STX8: variants seen among roughly 807,000 people sequenced by gnomAD.
STX8 encodes the protein syntaxin-8.
In STX8, 23 loss-of-function variants were observed where a neutral mutation model predicts 37.5. That is an observed-to-expected ratio of 0.61 (90% CI 0.44 to 0.87). STX8 has a LOEUF of 0.87. Among genes scored for constraint, STX8 ranks in the 40% least tolerant of loss-of-function variants. The pLI, the probability that STX8 is intolerant of heterozygous loss-of-function variation, is 0.00. For missense variants in STX8, 313 were observed against 284.7 expected, an observed-to-expected ratio of 1.10 and a Z score of -0.71; for synonymous variants, 115 against 99.1, an observed-to-expected ratio of 1.16 and a Z score of -0.95.
intron 7 of STX8, among the ~76,000 whole-genome samples, chr17:9,263,991 C>G (rs1310695023): frequency 6.6e-6 from 1 of 152,200 alleles, no homozygotes; most frequent in Non-Finnish European, 1.5e-5. Context: ...ATAAAGATTA[C>G]ACACCCTTCC....
At chr17:9,558,151 T>C (rs1415370445) in intron 2 of STX8, among the ~76,000 whole-genome samples, 1 of 152,142 alleles carries the variant, frequency 6.6e-6, no homozygotes, top group Non-Finnish European at 1.5e-5. Flanking sequence ...ACCTGTTACA[T>C]TAAAGGATGG....
chr17:9,307,500 A>T (rs186992456), intron 7 of STX8, among the ~76,000 whole-genome samples: 1 of 152,304 alleles, frequency 6.6e-6, no homozygotes, highest in Non-Finnish European at 1.5e-5. Context: ...CTCTTCTTGC[A>T]TCAGCAGTGG....
At chr17:9,268,527 C>A (rs1450979557) in intron 7 of STX8, among the ~76,000 whole-genome samples, 1 of 152,266 alleles carries the variant, frequency 6.6e-6, no homozygotes, top group South Asian at 2.1e-4. Flanking sequence ...GCAGTGATGT[C>A]CCCCCGATTC....
chr17:9,441,148 G>A (rs554555614), intron 6 of STX8, among the ~76,000 whole-genome samples: 4 of 152,214 alleles, frequency 2.6e-5, no homozygotes, highest in South Asian at 2.1e-4. Context: ...ATGCTAAGAT[G>A]AATACAACAT....
intron 3 of STX8, among the ~76,000 whole-genome samples, chr17:9,547,830 C>G (rs1906610048): frequency 7.1e-6 from 1 of 140,822 alleles, no homozygotes; most frequent in South Asian, 2.3e-4. Context: ...CTTGCTCTAT[C>G]ATCCCAGGCT....
intron 6 of STX8, among the ~76,000 whole-genome samples, chr17:9,448,174 CAA>C (rs71930141): frequency 2.1e-5 from 3 of 140,296 alleles, no homozygotes; most frequent in Admixed American, 7.2e-5. Flanking sequence ...GACTCCATCT[CAA>C]AAAAAAAAAA....
rs7216883 is a variant in STX8, at chr17:9,347,759, G to T, written c.643+30793C>A. Among the ~76,000 whole-genome samples the T allele has an allele frequency of 9.4e-3, 1,437 of 152,180 alleles. 21 individuals carry two copies. Among genetic ancestry groups the T allele is most frequent in the African/African-American group, 0.032 (1,342 of 41,518 alleles). The stretch of plus-strand genomic sequence containing the variant: ...TCTAGAACTTTTCATCAGCCCAAAA[G>T]GAAACCTCATACCCATTAAGCAGTC... On this transcript the variant is annotated intron_variant, in intron 7 of 7. Coordinates refer to ENST00000306357, the MANE Select transcript of STX8 (RefSeq NM_004853.3).
intron 6 of STX8, among the ~76,000 whole-genome samples, chr17:9,459,950 C>A (rs1905303988): frequency 6.6e-6 from 1 of 152,234 alleles, no homozygotes; most frequent in African/African-American, 2.4e-5. Flanking sequence ...GAACTCGCTA[C>A]TGGCAGAGCC....
intron 7 of STX8, among the ~76,000 whole-genome samples, chr17:9,328,502 A>G (rs990040102): frequency 6.6e-6 from 1 of 152,174 alleles, no homozygotes; most frequent in Non-Finnish European, 1.5e-5. Context: ...TCCTTTATGA[A>G]TAATTCAGGA....
chr17:9,362,407 A>G (rs1043937360), intron 7 of STX8, among the ~76,000 whole-genome samples: 1 of 152,196 alleles, frequency 6.6e-6, no homozygotes, highest in Non-Finnish European at 1.5e-5. Context: ...ATCTCTATCT[A>G]CCAATTACTT....
chr17:9,311,866 G>A (rs950495449), intron 7 of STX8, among the ~76,000 whole-genome samples: 2 of 149,742 alleles, frequency 1.3e-5, no homozygotes, highest in South Asian at 4.2e-4. Flanking sequence ...TTTTTTTTCT[G>A]AGACGGAGTC....
chr17:9,535,372 T>C (rs947529728), intron 4 of STX8, among the ~76,000 whole-genome samples: 1 of 150,670 alleles, frequency 6.6e-6, no homozygotes, highest in Non-Finnish European at 1.5e-5. Flanking sequence ...AAATAACTTG[T>C]GAAATGCTAT....
At chr17:9,546,612 T>TTTC (rs1906537369) in intron 3 of STX8, among the ~76,000 whole-genome samples, 2 of 142,970 alleles carry the variant, frequency 1.4e-5, no homozygotes, top group Non-Finnish European at 3.0e-5. Context: ...TTTTTTTTTT[T>TTTC]TTTGGAGACG....
chr17:9,440,946 C>T (rs1446434637), intron 6 of STX8, among the ~76,000 whole-genome samples: 1 of 152,136 alleles, frequency 6.6e-6, no homozygotes, highest in Non-Finnish European at 1.5e-5. Flanking sequence ...TCACCCACTC[C>T]TCCTTCGCTT....
chr17:9,498,046 T>C (rs1319946391), intron 5 of STX8, among the ~76,000 whole-genome samples: 3 of 151,992 alleles, frequency 2.0e-5, no homozygotes, highest in Non-Finnish European at 4.4e-5. Flanking sequence ...ACATTTAACA[T>C]ACAGAAGGAG....
intron 7 of STX8, among the ~76,000 whole-genome samples, chr17:9,301,388 T>C (rs923377866): frequency 2.0e-5 from 3 of 152,154 alleles, no homozygotes; most frequent in African/African-American, 4.8e-5. Flanking sequence ...CATGTTAATA[T>C]GTTTCCTAAT....
intron 7 of STX8, among the ~76,000 whole-genome samples, chr17:9,314,760 C>T (rs560286058): frequency 4.6e-5 from 7 of 151,534 alleles, no homozygotes; most frequent in East Asian, 3.9e-4. Flanking sequence ...GCCCCCCAGC[C>T]GACTGAATGG....
At chr17:9,520,192 A>G in intron 4 of STX8, among the ~76,000 whole-genome samples, 1 of 152,234 alleles carries the variant, frequency 6.6e-6, no homozygotes, top group East Asian at 1.9e-4. Context: ...TAAAAACAAA[A>G]TGAGAGAAGC....
chr17:9,311,045 T>C (rs1223004141), intron 7 of STX8, among the ~76,000 whole-genome samples: 1 of 152,130 alleles, frequency 6.6e-6, no homozygotes, highest in Non-Finnish European at 1.5e-5. Context: ...GAGACCAGCC[T>C]GACCCACGTG....
Sources: allele counts gnomAD v4.1 joint callset (sites outside exome capture counted in the v4.1 genomes callset), GRCh38; gene constraint gnomAD v4.1.1; transcripts MANE v1.5; gene names NCBI Gene and HGNC (gene_info 2026-07-23, HGNC 2026-07-21).